SPECC1L: variants seen among roughly 807,000 people sequenced by gnomAD.
SPECC1L encodes the protein sperm antigen with calponin homology and coiled-coil domains 1 like, also known as cytospin-A.
SPECC1L carries 40 observed loss-of-function variants against 116.8 expected under a neutral mutation model. The observed-to-expected ratio is 0.34, with a 90% CI of 0.27 to 0.45. The LOEUF (loss-of-function observed/expected upper bound fraction) is 0.45. Ranked by LOEUF, SPECC1L falls within the 20% of genes least tolerant of loss-of-function variation. The pLI, the probability that SPECC1L is intolerant of heterozygous loss-of-function variation, is 1.00. For synonymous variants in SPECC1L, 504 were observed against 500.6 expected (o/e 1.01, Z -0.09); for missense variants, 1,110 against 1,373.6 (o/e 0.81, Z 3.03).
chr22:24,353,571 A>AT (rs2041468686), intron 11 of SPECC1L, among the ~76,000 whole-genome samples: 1 of 151,756 alleles, frequency 6.6e-6, no homozygotes, highest in South Asian at 2.1e-4. Flanking sequence ...CACTCAGCTA[A>AT]TTTTTTTGTA....
At chr22:24,281,533 AG>A (rs2048942482) in intron 2 of SPECC1L, among the ~76,000 whole-genome samples, 1 of 152,214 alleles carries the variant, frequency 6.6e-6, no homozygotes, top group Non-Finnish European at 1.5e-5. Context: ...AGTTTTTTGA[AG>A]GGATGTGGTC....
chr22:24,382,865 A>G (rs1183440116), intron 14 of SPECC1L, among the ~76,000 whole-genome samples: 1 of 152,152 alleles, frequency 6.6e-6, no homozygotes, highest in African/African-American at 2.4e-5. Flanking sequence ...CAGCCTGGAC[A>G]ACAGAGTGAG....
chr22:24,397,092 G>A (rs1310008425), intron 14 of SPECC1L, among the ~76,000 whole-genome samples: 1 of 152,028 alleles, frequency 6.6e-6, no homozygotes, highest in Non-Finnish European at 1.5e-5. Flanking sequence ...GTAAACTATT[G>A]AGCACTGAGT....
intron 2 of SPECC1L, among the ~76,000 whole-genome samples, chr22:24,282,752 A>G (rs904365170): frequency 2.6e-5 from 4 of 151,032 alleles, no homozygotes; most frequent in African/African-American, 9.7e-5. Context: ...TTAGTTTACA[A>G]TGTGGTGAGT....
Position 24,325,958 on chromosome 22 carries a change from T to G in SPECC1L, c.2146+1531T>G, listed in dbSNP as rs536231217. On this transcript the variant is annotated intron_variant, in intron 6 of 16. Coordinates refer to ENST00000314328, the MANE Select transcript of SPECC1L (RefSeq NM_015330.6). ...GTTTGCTTGCCTGTTTTTTGCTGTT[T>G]GTTTGCTTTTTTGGGATGGAGTTTC... Among the ~76,000 whole-genome samples the G allele has an allele frequency of 3.9e-5, 6 of 152,288 alleles. No homozygotes were observed. The East Asian group carries it at 1.2e-3, about 29-fold the overall frequency.
intron 14 of SPECC1L, among the ~76,000 whole-genome samples, chr22:24,370,005 A>T (rs2081164390): frequency 6.6e-6 from 1 of 152,240 alleles, no homozygotes; most frequent in Middle Eastern, 3.2e-3. Flanking sequence ...ATTGCATTTC[A>T]TGCTTTGGCA....
At chr22:24,271,474 T>G (rs977548641) in intron 1 of SPECC1L, among the ~76,000 whole-genome samples, 1 of 152,250 alleles carries the variant, frequency 6.6e-6, no homozygotes, top group African/African-American at 2.4e-5. Context: ...CGGTGCTGCT[T>G]CTGCTGTGGC....
At chr22:24,390,208 C>G (rs2042238500) in intron 14 of SPECC1L, among the ~76,000 whole-genome samples, 1 of 151,920 alleles carries the variant, frequency 6.6e-6, no homozygotes, top group African/African-American at 2.4e-5. Flanking sequence ...TCCCCTGATC[C>G]TTCCTTTTCT....
At chr22:24,344,915 G>T (rs2041259104) in intron 10 of SPECC1L, among the ~76,000 whole-genome samples, 1 of 152,142 alleles carries the variant, frequency 6.6e-6, no homozygotes, top group East Asian at 1.9e-4. Context: ...TTATAGATTG[G>T]AAGACTCAAT....
chr22:24,382,970 A>G (rs2042089689), intron 14 of SPECC1L, among the ~76,000 whole-genome samples: 1 of 152,194 alleles, frequency 6.6e-6, no homozygotes, highest in Non-Finnish European at 1.5e-5. Flanking sequence ...ATTCAGAAGG[A>G]GAAATTCAGT....
chr22:24,351,914 G>A (rs1189173538), intron 11 of SPECC1L, among the ~76,000 whole-genome samples: 4 of 151,702 alleles, frequency 2.6e-5, no homozygotes, highest in Non-Finnish European at 5.9e-5. Flanking sequence ...GCGTGAACCC[G>A]GGAGGCGGAG....
intron 9 of SPECC1L, among the ~76,000 whole-genome samples, chr22:24,336,984 A>G (rs894906523): frequency 1.3e-5 from 2 of 152,202 alleles, no homozygotes; most frequent in Non-Finnish European, 2.9e-5. Context: ...CTGTAGGCTA[A>G]TGTAATGTTT....
At chr22:24,363,985 C>T (rs1020861995) in intron 12 of SPECC1L, among the ~76,000 whole-genome samples, 3 of 152,084 alleles carry the variant, frequency 2.0e-5, no homozygotes, top group Non-Finnish European at 4.4e-5. Flanking sequence ...CAATTACTGA[C>T]ATGTAACATG....
At chr22:24,412,023 A>T (rs1311738417) in intron 15 of SPECC1L, 1 of 434,176 alleles carries the variant, frequency 2.3e-6, no homozygotes, top group Non-Finnish European at 4.3e-6. Context: ...AGGCAGGAGT[A>T]GTCAGGCAGT....
chr22:24,407,645 A>C (rs1397800313), intron 14 of SPECC1L, among the ~76,000 whole-genome samples: 3 of 152,094 alleles, frequency 2.0e-5, no homozygotes, highest in African/African-American at 7.2e-5. Context: ...CGTTATTAAG[A>C]AGCTTCCTGG....
intron 2 of SPECC1L, among the ~76,000 whole-genome samples, chr22:24,284,212 A>C (rs2048998848): frequency 1.3e-5 from 2 of 152,106 alleles, no homozygotes; most frequent in South Asian, 4.1e-4. Context: ...TAGTGTTATA[A>C]ATTTCCCTTT....
intron 4 of SPECC1L, among the ~76,000 whole-genome samples, chr22:24,317,450 A>C (rs1269324839): frequency 2.7e-5 from 2 of 73,800 alleles, no homozygotes; most frequent in Non-Finnish European, 2.8e-5. Context: ...TGACCCCCCA[A>C]CCTCCCGGAC....
rs2040729200 is a variant in SPECC1L, at chr22:24,321,850, CTA to C, written c.872_873del (p.Tyr291SerfsTer11). On this transcript the variant is annotated frameshift_variant, in exon 5 of 17. Coordinates refer to ENST00000314328, the MANE Select transcript of SPECC1L (RefSeq NM_015330.6). LOFTEE classifies it high-confidence loss of function. Reference protein sequence around the residue: ...RLDNSEKLFGYQSLSPEITPG... With the variant: ...RLDNSEKLFGXQSLSPEITPG... Reference sequence around the variant, plus strand: ...TAGACAATTCTGAAAAACTGTTTGGCTATCAGTCCCTGAGCCCAGAAATCACC... The same window carrying C: ...TAGACAATTCTGAAAAACTGTTTGGCTCAGTCCCTGAGCCCAGAAATCACC... The C allele has an allele frequency of 6.2e-7, 1 of 1,614,108 alleles. No individual in the cohort carries two copies. The highest frequency in any genetic ancestry group is 8.5e-7 in the Non-Finnish European group (1 of 1,180,060).
rs200750916 is a variant in SPECC1L at position 24,365,546 on chromosome 22, G to T, written c.2898G>T (p.Leu966=). 18 of 1,614,092 alleles carry T rather than the reference G, an allele frequency of 1.1e-5. No homozygotes were observed. The highest frequency in any genetic ancestry group is 1.5e-5 in the Non-Finnish European group (18 of 1,179,994). Reference sequence around the variant, plus strand: ...AGGAGGGAGCGTCGCCAGCCTCTCTGATGGCTATGGGAACCACGTCTCCAC... The same window carrying T: ...AGGAGGGAGCGTCGCCAGCCTCTCTTATGGCTATGGGAACCACGTCTCCAC... ...SAQEGASPAS[L]MAMGTTSPQL... Residue 966 remains leucine (L), a synonymous_variant, in exon 13 of 17, where the codon CTG becomes CTT. Transcript: ENST00000314328.
Sources: allele counts gnomAD v4.1 joint callset (sites outside exome capture counted in the v4.1 genomes callset), GRCh38; gene constraint gnomAD v4.1.1; transcripts MANE v1.5; gene names NCBI Gene and HGNC (gene_info 2026-07-23, HGNC 2026-07-21).